Variants in RNLS observed in about 807,000 individuals in gnomAD.
RNLS encodes renalase.
RNLS carries 39 observed loss-of-function variants against 39.8 expected under a neutral mutation model. That is an observed-to-expected ratio of 0.98 (90% confidence interval 0.76 to 1.28). The LOEUF is 1.28. RNLS is among the 50% of genes most tolerant of loss of function. The pLI is 0.00. For synonymous variants in RNLS, 147 were observed against 150.7 expected (o/e 0.98, Z 0.18); for missense variants, 410 against 413.3 (o/e 0.99, Z 0.07).
chr10:88,347,363 G>A, intron 5 of RNLS, among the ~76,000 whole-genome samples: 1 of 152,072 alleles, frequency 6.6e-6, no homozygotes, highest in East Asian at 1.9e-4. Flanking sequence ...TTCCCTCTCT[G>A]AACAGATTGA....
At chr10:88,324,427 CAAA>C (rs57362184) in intron 5 of RNLS, among the ~76,000 whole-genome samples, 1 of 78,642 alleles carries the variant, frequency 1.3e-5, no homozygotes. Context: ...GTGTCCTTTG[CAAA>C]AAAAAAAAAA....
At chr10:88,214,694 C>T in the RNLS span, among the ~76,000 whole-genome samples, 1 of 152,006 alleles carries the variant, frequency 6.6e-6, no homozygotes. Flanking sequence ...ATTTTAAAAA[C>T]AAAATATTGT....
In RNLS at chr10:88,504,359, T is replaced by A. The variant is rs111283414; in HGVS notation, c.526+68544A>T. 5.3e-3 allele frequency among the ~76,000 whole-genome samples: 807 copies of A among 152,124 alleles called. 7 individuals carry two copies. The highest frequency in any genetic ancestry group is 0.014 in the African/African-American group (585 of 41,530). On this transcript the variant is annotated intron_variant, in intron 4 of 6. Coordinates refer to ENST00000331772, the MANE Select transcript of RNLS (RefSeq NM_001031709.3). ...GATATAATATTAGGTTTCTTTTTTT[T>A]AAAAAAAGGTGCCAAAGAATGTATA...
In RNLS at chr10:88,533,723, C is replaced by A. The variant is rs938895885; in HGVS notation, c.526+39180G>T. On this transcript the variant is annotated intron_variant, in intron 4 of 6. Transcript: ENST00000331772. The stretch of plus-strand genomic sequence containing the variant: ...CAGGGGATTCTGACAGACAGAATGA[C>A]AAGACAGGGAGTGACACTGCACTGA... Among the ~76,000 whole-genome samples the A allele has an allele frequency of 3.9e-5, 6 of 151,990 alleles. 2 individuals carry two copies. In the South Asian group the frequency reaches 1.0e-3, roughly 26 times the overall value.
At chr10:88,336,052 C>T (rs1419946210) in intron 5 of RNLS, among the ~76,000 whole-genome samples, 1 of 152,208 alleles carries the variant, frequency 6.6e-6, no homozygotes, top group Non-Finnish European at 1.5e-5. Flanking sequence ...TCTCCATCTA[C>T]TGAATGAACA....
chr10:88,546,272 T>A (rs1315968273), intron 4 of RNLS, among the ~76,000 whole-genome samples: 3 of 152,226 alleles, frequency 2.0e-5, no homozygotes, highest in Admixed American at 2.0e-4. Flanking sequence ...ATCATTTATA[T>A]CTATCTGATT....
chr10:88,220,802 T>G, the RNLS span, among the ~76,000 whole-genome samples: 1 of 152,220 alleles, frequency 6.6e-6, no homozygotes, highest in East Asian at 1.9e-4. Flanking sequence ...TTATCATGTA[T>G]GGGTGTTTGA....
chr10:88,213,009 T>A, the RNLS span, among the ~76,000 whole-genome samples: 2 of 152,010 alleles, frequency 1.3e-5, no homozygotes, highest in Non-Finnish European at 2.9e-5. Context: ...AAAGAAAAAA[T>A]TTTGGCTTTT....
chr10:88,312,331 C>G (rs1178375115), intron 6 of RNLS, among the ~76,000 whole-genome samples: 2 of 152,112 alleles, frequency 1.3e-5, no homozygotes. Context: ...TGGGCAGCTT[C>G]TAGAAGATGA....
rs550964032 is a variant in RNLS at position 88,486,469 on chromosome 10, C to G, written c.526+86434G>C. Among the ~76,000 whole-genome samples, 5 of 151,458 alleles carry G rather than the reference C, an allele frequency of 3.3e-5. No homozygotes were observed. In the East Asian group the frequency reaches 5.8e-4, roughly 18 times the overall value. On this transcript the variant is annotated intron_variant, in intron 4 of 6. Coordinates refer to ENST00000331772, the MANE Select transcript of RNLS (RefSeq NM_001031709.3). ...AGAAAATATTTGTAAACCATGCATC[C>G]GACAAAGGCCTAATATCAAGCATCT...
At chr10:88,266,962 T>C in the RNLS span, among the ~76,000 whole-genome samples, 2 of 152,120 alleles carry the variant, frequency 1.3e-5, no homozygotes, top group Admixed American at 6.6e-5. Flanking sequence ...GCTGAGGTCA[T>C]CTCAAATTTG....
At chr10:88,208,053 C>A in the RNLS span, among the ~76,000 whole-genome samples, 1 of 152,142 alleles carries the variant, frequency 6.6e-6, no homozygotes, top group Non-Finnish European at 1.5e-5. Context: ...CACAAGCTAG[C>A]AGCACATCAA....
chr10:88,355,323 T>C (rs1589632756), intron 5 of RNLS, among the ~76,000 whole-genome samples: 1 of 152,154 alleles, frequency 6.6e-6, no homozygotes, highest in South Asian at 2.1e-4. Flanking sequence ...TTCTGTTCTG[T>C]TTTTTCCCCA....
intron 4 of RNLS, among the ~76,000 whole-genome samples, chr10:88,506,139 C>T (rs1446241760): frequency 6.6e-6 from 1 of 152,054 alleles, no homozygotes; most frequent in Non-Finnish European, 1.5e-5. Flanking sequence ...TCCAGACTTT[C>T]ATATATATTC....
At chr10:88,529,394 A>G (rs1297450433) in intron 4 of RNLS, among the ~76,000 whole-genome samples, 1 of 152,168 alleles carries the variant, frequency 6.6e-6, no homozygotes, top group Non-Finnish European at 1.5e-5. Context: ...TTAGCTATAC[A>G]CATTCTTCCA....
intron 4 of RNLS, among the ~76,000 whole-genome samples, chr10:88,500,622 A>G (rs1008359630): frequency 1.3e-5 from 2 of 152,210 alleles, no homozygotes. Flanking sequence ...AATGTTGACA[A>G]CTCTCTGAAA....
chr10:88,583,306 C>A lies in RNLS; in HGVS notation c.-116G>T. The A allele has an allele frequency of 2.7e-6, 4 of 1,475,508 alleles. No homozygotes were observed. The highest frequency in any genetic ancestry group is 3.6e-6 in the Non-Finnish European group (4 of 1,120,654). 91.4% of individuals were successfully genotyped at this position (1,475,508 alleles called of 1,614,324 possible). Reference sequence around the variant, plus strand: ...CTCTTTGGTTCCGTGCTCCCTGGGCCGACCTGGGCCCTGAGCTTTCCTCCG... The same window carrying A: ...CTCTTTGGTTCCGTGCTCCCTGGGCAGACCTGGGCCCTGAGCTTTCCTCCG... On this transcript the variant is annotated 5_prime_UTR_variant, in exon 1 of 7. Coordinates refer to ENST00000331772, the MANE Select transcript of RNLS (RefSeq NM_001031709.3).
At chr10:88,218,634 A>G in the RNLS span, among the ~76,000 whole-genome samples, 2 of 152,166 alleles carry the variant, frequency 1.3e-5, no homozygotes, top group Non-Finnish European at 2.9e-5. Context: ...TCCCAGGCCT[A>G]TCTCTTCACC....
At chr10:88,483,250 G>GTAC (rs1489723910) in intron 4 of RNLS, among the ~76,000 whole-genome samples, 1 of 152,054 alleles carries the variant, frequency 6.6e-6, no homozygotes, top group African/African-American at 2.4e-5. Flanking sequence ...CTGTTAAATG[G>GTAC]TTATTTTTGT....
Sources: allele counts gnomAD v4.1 joint callset (sites outside exome capture counted in the v4.1 genomes callset), GRCh38; gene constraint gnomAD v4.1.1; transcripts MANE v1.5; gene names NCBI Gene and HGNC (gene_info 2026-07-23, HGNC 2026-07-21).